LYN: variants seen among roughly 807,000 people sequenced by gnomAD.
LYN encodes the protein tyrosine-protein kinase Lyn.
In LYN, 12 loss-of-function variants were observed where a neutral mutation model predicts 65.0. That is an observed-to-expected ratio of 0.18 (90% CI 0.12 to 0.30). LYN has a LOEUF of 0.30. LYN is among the 10% of genes least tolerant of loss of function. The probability of loss-of-function intolerance (pLI) is 1.00; values close to 1 mark genes in which losing one functional copy is unlikely to be tolerated. For synonymous variants in LYN, 222 were observed against 221.2 expected, an observed-to-expected ratio of 1.00 and a Z score of -0.03; for missense variants, 380 against 623.2, an observed-to-expected ratio of 0.61 and a Z score of 4.16.
intron 10 of LYN, among the ~76,000 whole-genome samples, chr8:55,987,651 A>G (rs1055943672): frequency 3.3e-5 from 5 of 152,100 alleles, no homozygotes; most frequent in African/African-American, 1.2e-4. Flanking sequence ...CCTAGCCTCA[A>G]GTGATCCACC....
chr8:55,903,154 A>C (rs1244729739), intron 1 of LYN, among the ~76,000 whole-genome samples: 1 of 151,680 alleles, frequency 6.6e-6, no homozygotes, highest in Non-Finnish European at 1.5e-5. Flanking sequence ...GCCTACGCCC[A>C]GCTAATTTTT....
intron 1 of LYN, among the ~76,000 whole-genome samples, chr8:55,911,102 T>TATATATATAC (rs373111685): frequency 1.7e-4 from 5 of 28,848 alleles, no homozygotes; most frequent in African/African-American, 4.0e-4. Flanking sequence ...TATATATACA[T>TATATATATAC]ACACGTATAT....
At chr8:56,002,555 T>C (rs1808546255) in intron 12 of LYN, among the ~76,000 whole-genome samples, 1 of 151,344 alleles carries the variant, frequency 6.6e-6, no homozygotes, top group Non-Finnish European at 1.5e-5. Flanking sequence ...TGAGCCAAGA[T>C]TGCACCACTG....
At chr8:55,966,968 A>G in intron 9 of LYN, 71 bp downstream of exon 9, 1 of 1,411,388 alleles carries the variant, frequency 7.1e-7, no homozygotes, top group Non-Finnish European at 9.7e-7. Context: ...AAGTGTTCAG[A>G]GGTCACTCAA....
intron 10 of LYN, among the ~76,000 whole-genome samples, chr8:55,979,613 T>A (rs1296105676): frequency 1.3e-5 from 2 of 152,158 alleles, no homozygotes; most frequent in East Asian, 3.8e-4. Flanking sequence ...TAAGACCGGT[T>A]TGACTGAAAT....
At chr8:55,946,327 C>A in intron 2 of LYN, 121 bp from the exon 3 acceptor site, 1 of 734,522 alleles carries the variant, frequency 1.4e-6, no homozygotes, top group Non-Finnish European at 2.5e-6. Flanking sequence ...CCTGTTCTTT[C>A]TGACTTAATA....
intron 10 of LYN, among the ~76,000 whole-genome samples, chr8:55,986,004 A>C (rs1808063436): frequency 6.6e-6 from 1 of 152,090 alleles, no homozygotes; most frequent in South Asian, 2.1e-4. Context: ...TCATCTCTAC[A>C]AAAAAATAAA....
chr8:55,911,768 C>G (rs948086721), intron 1 of LYN, among the ~76,000 whole-genome samples: 1 of 152,094 alleles, frequency 6.6e-6, no homozygotes, highest in Non-Finnish European at 1.5e-5. Flanking sequence ...AAAGGGCTTG[C>G]TGATGAATTT....
In LYN at chr8:56,009,920, C is replaced by G; in HGVS notation, c.1349C>G (p.Ala450Gly). 6.2e-7 allele frequency: 1 copy of G among 1,613,856 alleles called. No individual in the cohort carries two copies. Among genetic ancestry groups the G allele is most frequent in the Non-Finnish European group, 8.5e-7 (1 of 1,179,804 alleles). ...TTTTCCACCCTAGGGAGAACTAATGCCGACGTGATGACCGCCCTGTCCCAG... is the reference window on the plus strand; with the variant it reads ...TTTTCCACCCTAGGGAGAACTAATGGCGACGTGATGACCGCCCTGTCCCAG... ...GKIPYPGRTN[A>G]DVMTALSQGY... The change falls in exon 13 of 13, where the codon GCC (alanine) becomes GGC (glycine). Residue 450 changes from alanine (A) to glycine (G), a missense_variant. This residue lies in a region of LYN where 223 missense variants were observed against 430.0 expected (regional missense o/e 0.52). Coordinates refer to ENST00000519728, the MANE Select transcript of LYN (RefSeq NM_002350.4).
At chr8:55,880,739 C>T (rs750324728) in intron 1 of LYN, among the ~76,000 whole-genome samples, 2 of 152,196 alleles carry the variant, frequency 1.3e-5, no homozygotes, top group African/African-American at 4.8e-5. Context: ...AGGAGCAGTC[C>T]GGTGCTTTTG....
chr8:55,990,370 A>G (rs1808215107), intron 10 of LYN, among the ~76,000 whole-genome samples: 1 of 151,988 alleles, frequency 6.6e-6, no homozygotes, highest in Admixed American at 6.6e-5. Flanking sequence ...GGTTCTTATC[A>G]TGTAGATGAA....
chr8:55,946,569 G>C (rs543193062), intron 3 of LYN, 76 bp downstream of exon 3: 47 of 951,980 alleles, frequency 4.9e-5, no homozygotes, highest in Non-Finnish European at 7.4e-5. Flanking sequence ...TGTCCTAAAT[G>C]TTTTTATTTT....
intron 10 of LYN, among the ~76,000 whole-genome samples, chr8:55,976,716 AG>A (rs1021652628): frequency 6.6e-6 from 1 of 152,098 alleles, no homozygotes; most frequent in African/African-American, 2.4e-5. Context: ...TTCCTGGAGG[AG>A]GTCACCCTGA....
intron 1 of LYN, among the ~76,000 whole-genome samples, chr8:55,901,495 C>T (rs543843628): frequency 3.3e-5 from 5 of 152,206 alleles, no homozygotes; most frequent in Non-Finnish European, 7.3e-5. Context: ...TTTTGCACAC[C>T]TGTGGCCTCC....
intron 10 of LYN, among the ~76,000 whole-genome samples, chr8:55,978,400 G>A (rs1807819001): frequency 6.6e-6 from 1 of 152,264 alleles, no homozygotes; most frequent in African/African-American, 2.4e-5. Context: ...GACCGCCATT[G>A]CGGGCACGGG....
intron 1 of LYN, among the ~76,000 whole-genome samples, chr8:55,925,734 GT>G (rs1276259167): frequency 6.6e-6 from 1 of 152,160 alleles, no homozygotes; most frequent in Non-Finnish European, 1.5e-5. Context: ...TTATGGCCAG[GT>G]TCCTGAGGAC....
At chr8:55,895,446 G>A (rs1316862159) in intron 1 of LYN, 1 of 126,000 alleles carries the variant, frequency 7.9e-6, no homozygotes, top group African/African-American at 2.7e-5. Flanking sequence ...TGTGAACTTT[G>A]GGGTGTCTGA....
chr8:55,882,668 C>G (rs143597909), intron 1 of LYN, among the ~76,000 whole-genome samples: 1 of 152,290 alleles, frequency 6.6e-6, no homozygotes, highest in Non-Finnish European at 1.5e-5. Flanking sequence ...CTGGCTCTTC[C>G]TAGTGATGAT....
Position 55,946,475 on chromosome 8 carries a change from C to A in LYN, c.160C>A (p.Gln54Lys). The change falls in exon 3 of 13, where the codon CAG (glutamine) becomes AAG (lysine). Residue 54 changes from glutamine (Q) to lysine (K), a missense_variant. Gln to Lys is a moderately conservative substitution (Grantham distance 53, BLOSUM62 1). Coordinates refer to ENST00000519728, the MANE Select transcript of LYN (RefSeq NM_002350.4). ...TCCAGAATCTCAGCTTTTACCTGGA[C>A]AGAGGTTTCAAACTAAAGGTATGTT... ...PVPESQLLPG[Q>K]RFQTKDPEEQ... The A allele has an allele frequency of 6.2e-7, 1 of 1,610,014 alleles. No homozygotes were observed. The highest frequency in any genetic ancestry group is 8.5e-7 in the Non-Finnish European group (1 of 1,177,180).
Sources: allele counts gnomAD v4.1 joint callset (sites outside exome capture counted in the v4.1 genomes callset), GRCh38; gene constraint gnomAD v4.1.1; regional missense constraint gnomAD v4.1.1; transcripts MANE v1.5; gene names NCBI Gene and HGNC (gene_info 2026-07-23, HGNC 2026-07-21).